The following RPTOR variants were observed in gnomAD, a reference collection of about 807,000 sequenced individuals.
RPTOR encodes the protein regulatory-associated protein of mTOR.
In RPTOR, 21 loss-of-function variants were observed where a neutral mutation model predicts 169.9. That is an observed-to-expected ratio of 0.12 (90% CI 0.09 to 0.18). RPTOR has a LOEUF of 0.18. Ranked by LOEUF, RPTOR falls within the 10% of genes least tolerant of loss-of-function variation. The probability of loss-of-function intolerance (pLI) is 1.00; values close to 1 mark genes in which losing one functional copy is unlikely to be tolerated. For missense variants in RPTOR, 1,133 were observed against 1,855.9 expected (o/e 0.61, Z 7.16); for synonymous variants, 732 against 753.2 (o/e 0.97, Z 0.46).
rs551289856 is a variant in RPTOR, at chr17:80,650,415, C to T, written c.348+6605C>T. On this transcript the variant is annotated intron_variant, in intron 3 of 33. Coordinates refer to ENST00000306801, the MANE Select transcript of RPTOR (RefSeq NM_020761.3). The stretch of plus-strand genomic sequence containing the variant: ...TAGGTCCGCAGAGTCGTGCTGGGCT[C>T]ACCGCTCCTTCCCTTTCTGGGCGGG... Among the ~76,000 whole-genome samples, 33 of 152,318 alleles carry T rather than the reference C, an allele frequency of 2.2e-4. 1 individual carries two copies. The highest frequency in any genetic ancestry group is 3.4e-3 in the Middle Eastern group (1 of 294).
At chr17:80,819,782 T>A (rs2067360669) in intron 7 of RPTOR, among the ~76,000 whole-genome samples, 1 of 152,142 alleles carries the variant, frequency 6.6e-6, no homozygotes, top group Admixed American at 6.5e-5. Flanking sequence ...TAACGTAGAG[T>A]GTGGACTTTG....
At position 80,964,773 on chromosome 17, in the gene RPTOR, A is replaced by T. The variant is rs3751933; in HGVS notation, c.*443A>T. 6,369 of 252,542 alleles carry T rather than the reference A, an allele frequency of 0.025. 109 individuals carry two copies. Among genetic ancestry groups the T allele is most frequent in the South Asian group, 0.051 (403 of 7,884 alleles). 15.6% of individuals were successfully genotyped at this position (252,542 alleles called of 1,614,324 possible). A position where few individuals can be genotyped will look rare whatever the true frequency, so the allele number is the denominator to read the frequency against. ...GGGCAGCTGTCCCCATCAGGCCAAG[A>T]GCGAGCGAGAGGCGCTGCCCCAGCC... On this transcript the variant is annotated 3_prime_UTR_variant, in exon 34 of 34. Transcript: ENST00000306801.
At position 80,966,116 on chromosome 17, in the gene RPTOR, G is replaced by GAC. The variant is rs1555643075; in HGVS notation, c.*1787_*1788dup. 1 of 184,444 alleles carries GAC rather than the reference G, an allele frequency of 5.4e-6. No individual in the cohort carries two copies. Among genetic ancestry groups the GAC allele is most frequent in the Non-Finnish European group, 1.1e-5 (1 of 94,566 alleles). The allele number at this position is 184,444 out of a possible 1,614,324, so 11.4% of individuals were successfully genotyped here. On this transcript the variant is annotated 3_prime_UTR_variant, in exon 34 of 34. Transcript: ENST00000306801. ...AGGCAGGTGGCTCCAGAGGGGTCAAGACCCCCCCCCGCCCCCGCTCCACCC... is the reference window on the plus strand; with the variant it reads ...AGGCAGGTGGCTCCAGAGGGGTCAAGACACCCCCCCCCGCCCCCGCTCCACCC...
chr17:80,943,838 G>GTCAGGTGAGGACACGGTTAGTGAGA (rs11271209), intron 25 of RPTOR, among the ~76,000 whole-genome samples: 1 of 151,778 alleles, frequency 6.6e-6, no homozygotes. Flanking sequence ...GTAAGAGCCA[G>GTCAGGTGAGGACACGGTTAGTGAGA]GCGGTGTCTC....
chr17:80,847,648 A>C (rs1008710674), intron 11 of RPTOR, among the ~76,000 whole-genome samples: 2 of 152,322 alleles, frequency 1.3e-5, no homozygotes, highest in East Asian at 1.9e-4. Context: ...GACTCCCCCC[A>C]CACACAGGAA....
chr17:80,607,415 A>G (rs1430367002), intron 1 of RPTOR, among the ~76,000 whole-genome samples: 1 of 152,014 alleles, frequency 6.6e-6, no homozygotes, highest in Non-Finnish European at 1.5e-5. Flanking sequence ...AGTATCTTTT[A>G]TATTGCTCTT....
At chr17:80,796,944 A>G (rs1430550563) in intron 7 of RPTOR, among the ~76,000 whole-genome samples, 5 of 152,270 alleles carry the variant, frequency 3.3e-5, no homozygotes, top group Non-Finnish European at 7.3e-5. Flanking sequence ...TCTTTGCTCC[A>G]AAAGGTGCCC....
At chr17:80,851,219 A>G (rs1392929298) in intron 11 of RPTOR, among the ~76,000 whole-genome samples, 3 of 152,182 alleles carry the variant, frequency 2.0e-5, no homozygotes, top group Non-Finnish European at 4.4e-5. Flanking sequence ...TTGAGCCTCT[A>G]TGCCGGCCAC....
intron 18 of RPTOR, 23 bp downstream of exon 18, chr17:80,891,860 C>G (rs200480886): frequency 3.3e-6 from 5 of 1,531,432 alleles, no homozygotes; most frequent in Non-Finnish European, 4.5e-6. Flanking sequence ...CTCCTGTGAA[C>G]CCGCAGAGCA....
At chr17:80,863,826 G>A (rs1245879183) in intron 13 of RPTOR, among the ~76,000 whole-genome samples, 2 of 152,174 alleles carry the variant, frequency 1.3e-5, no homozygotes, top group Non-Finnish European at 2.9e-5. Context: ...AGGCTGAGGC[G>A]GGAGAATCGC....
At chr17:80,671,964 G>T (rs2065825132) in intron 3 of RPTOR, among the ~76,000 whole-genome samples, 1 of 152,200 alleles carries the variant, frequency 6.6e-6, no homozygotes, top group African/African-American at 2.4e-5. Flanking sequence ...CTGGCTAGGT[G>T]CCAGTAGCTA....
intron 4 of RPTOR, among the ~76,000 whole-genome samples, chr17:80,715,597 TCA>T (rs2066232921): frequency 2.0e-5 from 3 of 150,098 alleles, no homozygotes; most frequent in African/African-American, 7.4e-5. Flanking sequence ...TTTTTTTTTT[TCA>T]ATTTTTTATT....
rs1358621040 is a variant in RPTOR, at chr17:80,742,500, T to A, written c.655-11510T>A. Among the ~76,000 whole-genome samples, 9 of 151,708 alleles carry A rather than the reference T, an allele frequency of 5.9e-5. No individual in the cohort carries two copies. In the East Asian group the frequency reaches 1.7e-3, roughly 29 times the overall value. The stretch of plus-strand genomic sequence containing the variant: ...ACATGCACATACAGACATGTACACA[T>A]ACACATGCACATAGACAACACATGC... On this transcript the variant is annotated intron_variant, in intron 5 of 33. Transcript: ENST00000306801.
At position 80,615,186 on chromosome 17, in the gene RPTOR, C is replaced by T. The variant is rs2065300242; in HGVS notation, c.163-10505C>T. ...CGGTCCCTGACGTTATGGTAGGCTT[C>T]AAGGGGGCTTCTGTAGCTGCTGAGC... On this transcript the variant is annotated intron_variant, in intron 1 of 33. Coordinates refer to ENST00000306801, the MANE Select transcript of RPTOR (RefSeq NM_020761.3). Among the ~76,000 whole-genome samples the T allele has an allele frequency of 2.6e-5, 4 of 152,294 alleles. No individual in the cohort carries two copies. The East Asian group carries it at 7.7e-4, about 29-fold the overall frequency.
intron 20 of RPTOR, among the ~76,000 whole-genome samples, chr17:80,894,689 T>C (rs887155307): frequency 1.1e-4 from 16 of 152,222 alleles, no homozygotes; most frequent in Non-Finnish European, 2.1e-4. Context: ...GCTTACCGGC[T>C]TCATTTGAAT....
At chr17:80,942,188 G>C (rs887934990) in intron 25 of RPTOR, among the ~76,000 whole-genome samples, 2 of 151,774 alleles carry the variant, frequency 1.3e-5, no homozygotes, top group East Asian at 3.9e-4. Flanking sequence ...GGAGGTTAGC[G>C]ATTCTCTAGG....
At chr17:80,563,585 T>TAAAA (rs113192259) in intron 1 of RPTOR, among the ~76,000 whole-genome samples, 2 of 136,974 alleles carry the variant, frequency 1.5e-5, no homozygotes, top group South Asian at 2.2e-4. Flanking sequence ...AAAAAAAAGA[T>TAAAA]AATAAATAAA....
chr17:80,642,472 A>G (rs2065561801), intron 2 of RPTOR, among the ~76,000 whole-genome samples: 1 of 152,194 alleles, frequency 6.6e-6, no homozygotes, highest in African/African-American at 2.4e-5. Flanking sequence ...GCTCATGGTA[A>G]TGTTAATGAG....
chr17:80,687,313 A>T (rs1390950389), intron 3 of RPTOR, among the ~76,000 whole-genome samples: 1 of 152,060 alleles, frequency 6.6e-6, no homozygotes, highest in African/African-American at 2.4e-5. Flanking sequence ...CACATGCACC[A>T]TGGGGTGCTC....
Sources: allele counts gnomAD v4.1 joint callset (sites outside exome capture counted in the v4.1 genomes callset), GRCh38; gene constraint gnomAD v4.1.1; transcripts MANE v1.5; gene names NCBI Gene and HGNC (gene_info 2026-07-23, HGNC 2026-07-21).